The following GPR89B variants were observed in gnomAD, a reference collection of about 807,000 sequenced individuals.
GPR89B encodes the protein G protein-coupled receptor 89B.
A neutral mutation model predicts 52.4 loss-of-function variants in GPR89B; 25 were observed. The observed-to-expected ratio is 0.48, with a 90% CI of 0.35 to 0.67. The LOEUF (loss-of-function observed/expected upper bound fraction) is 0.67. Among genes scored for constraint, GPR89B ranks in the 30% least tolerant of loss-of-function variants. The probability of loss-of-function intolerance (pLI) is 0.01; values close to 1 mark genes in which losing one functional copy is unlikely to be tolerated. For missense variants in GPR89B, 146 were observed against 450.2 expected, an observed-to-expected ratio of 0.32 and a Z score of 6.11; for synonymous variants, 52 against 151.2, an observed-to-expected ratio of 0.34 and a Z score of 4.81.
intron 10 of GPR89B, among the ~76,000 whole-genome samples, chr1:147,971,804 G>C (rs2784386): frequency 6.7e-6 from 1 of 149,654 alleles, no homozygotes; most frequent in Non-Finnish European, 1.5e-5. Flanking sequence ...TAACAGGCTT[G>C]TTGGGGTATA....
chr1:147,945,469 TTA>T (rs1315711446), intron 5 of GPR89B, among the ~76,000 whole-genome samples: 2 of 152,136 alleles, frequency 1.3e-5, no homozygotes, highest in African/African-American at 4.8e-5. Context: ...GAGAGAGAGG[TTA>T]TGAGACTCTC....
At chr1:147,964,093 C>A (rs1459388317) in intron 7 of GPR89B, among the ~76,000 whole-genome samples, 1 of 151,800 alleles carries the variant, frequency 6.6e-6, no homozygotes, top group African/African-American at 2.4e-5. Flanking sequence ...ATGGAAATGT[C>A]CCGTATTGTG....
intron 12 of GPR89B, among the ~76,000 whole-genome samples, chr1:147,991,357 A>C (rs1464635316): frequency 1.3e-5 from 2 of 152,078 alleles, no homozygotes; most frequent in African/African-American, 4.8e-5. Context: ...GGCTGAGACG[A>C]TGGGGTTTTC....
the GPR89B span, among the ~76,000 whole-genome samples, chr1:148,020,110 G>A: frequency 1.3e-5 from 2 of 148,250 alleles, no homozygotes; most frequent in African/African-American, 5.1e-5. Context: ...GGGTTTGGGA[G>A]GAACCAAGCA....
At chr1:147,934,658 C>G (rs1653931344) in intron 1 of GPR89B, among the ~76,000 whole-genome samples, 1 of 152,184 alleles carries the variant, frequency 6.6e-6, no homozygotes, top group Non-Finnish European at 1.5e-5. Context: ...TCCAGAAAAT[C>G]TGTCCTAACC....
rs1193446418 is a variant in GPR89B at position 147,975,137 on chromosome 1, TTTG to T, written c.909+5186_909+5188del. Among the ~76,000 whole-genome samples, 3 of 136,920 alleles carry T rather than the reference TTTG, an allele frequency of 2.2e-5. No individual in the cohort carries two copies. The Admixed American group carries it at 2.3e-4, about 10-fold the overall frequency. The allele number at this position is 136,920 out of a possible 152,430, so 89.8% of individuals were successfully genotyped here. On this transcript the variant is annotated intron_variant, in intron 10 of 13. Transcript: ENST00000314163. ...GGATATTGGCCTGAAGTTTTCTTTTTTTGTTGTTGTATCTCTGCCAGATTTTGG... is the reference window on the plus strand; with the variant it reads ...GGATATTGGCCTGAAGTTTTCTTTTTTTGTTGTATCTCTGCCAGATTTTGG...
At chr1:148,005,822 G>C in the GPR89B span, among the ~76,000 whole-genome samples, 1 of 151,854 alleles carries the variant, frequency 6.6e-6, no homozygotes, top group African/African-American at 2.4e-5. Context: ...ATGTTTTGTG[G>C]CTGTCCAAGA....
intron 3 of GPR89B, among the ~76,000 whole-genome samples, chr1:147,939,666 T>C (rs1654378136): frequency 6.6e-6 from 1 of 152,094 alleles, no homozygotes; most frequent in African/African-American, 2.4e-5. Flanking sequence ...AAAAACTTAC[T>C]ATACAGATGG....
At chr1:147,974,079 T>C (rs1657666581) in intron 10 of GPR89B, among the ~76,000 whole-genome samples, 1 of 151,902 alleles carries the variant, frequency 6.6e-6, no homozygotes, top group African/African-American at 2.4e-5. Context: ...AACCTGGTAG[T>C]ATAGTTTGAA....
intron 7 of GPR89B, among the ~76,000 whole-genome samples, chr1:147,959,671 A>G (rs1217626288): frequency 6.6e-6 from 1 of 152,130 alleles, no homozygotes; most frequent in Non-Finnish European, 1.5e-5. Flanking sequence ...CCAAAATCTC[A>G]GTATAAACCC....
At chr1:147,968,507 G>A (rs1657194623) in intron 8 of GPR89B, 3 of 378,324 alleles carry the variant, frequency 7.9e-6, no homozygotes, top group African/African-American at 4.2e-5. Flanking sequence ...TTCAGATAAT[G>A]TAGGAGAAAG....
At chr1:147,985,022 A>G (rs2149091954) in intron 10 of GPR89B, among the ~76,000 whole-genome samples, 1 of 152,302 alleles carries the variant, frequency 6.6e-6, no homozygotes, top group South Asian at 2.1e-4. Flanking sequence ...CATTGATAGT[A>G]TTATTAGAGT....
intron 8 of GPR89B, 175 bp from the exon 9 acceptor site, chr1:147,968,700 G>C: frequency 1.2e-6 from 1 of 806,912 alleles, no homozygotes; most frequent in Non-Finnish European, 2.0e-6. Context: ...TTACACACCT[G>C]CGTCAGAGGT....
At chr1:147,982,011 G>A (rs1658291092) in intron 10 of GPR89B, among the ~76,000 whole-genome samples, 1 of 151,690 alleles carries the variant, frequency 6.6e-6, no homozygotes, top group Non-Finnish European at 1.5e-5. Context: ...ATATCTAGGG[G>A]TAGAATTGCT....
At chr1:148,013,303 C>G in the GPR89B span, among the ~76,000 whole-genome samples, 19 of 152,110 alleles carry the variant, frequency 1.2e-4, no homozygotes, top group Admixed American at 4.6e-4. Flanking sequence ...GTTCCTGCCC[C>G]GCAAGCCTCC....
At chr1:147,995,987 A>G (rs1164922889), downstream of GPR89B, 38 of 988,574 alleles carry the variant, frequency 3.8e-5, no homozygotes, top group African/African-American at 5.5e-4. Flanking sequence ...ATTTATTTTT[A>G]ATCATGTTAT....
chr1:148,009,350 A>C, the GPR89B span: 3 of 1,612,068 alleles, frequency 1.9e-6, no homozygotes, highest in African/African-American at 4.0e-5. Context: ...CACCTTGGAC[A>C]GTTTTCAGAG....
intron 5 of GPR89B, among the ~76,000 whole-genome samples, chr1:147,950,851 C>T (rs1249499950): frequency 6.6e-6 from 1 of 152,086 alleles, no homozygotes; most frequent in African/African-American, 2.4e-5. Flanking sequence ...GAGAATCAGG[C>T]AGGGAGGCTG....
the GPR89B span, among the ~76,000 whole-genome samples, chr1:148,004,563 A>G: frequency 7.9e-6 from 1 of 127,216 alleles, no homozygotes; most frequent in South Asian, 3.1e-4. Flanking sequence ...CAGAAAACCC[A>G]TAAAGGTACC....
Sources: gnomAD v4.1 joint callset for allele counts (sites outside exome capture counted in the v4.1 genomes callset) on GRCh38, gnomAD v4.1.1 for gene constraint, MANE v1.5 for transcripts, NCBI Gene and HGNC (gene_info 2026-07-23, HGNC 2026-07-21) for gene names.